EPHA5: variants seen among roughly 807,000 people sequenced by gnomAD.
EPHA5 encodes the protein EPH receptor A5.
In EPHA5, 60 loss-of-function variants were observed where a neutral mutation model predicts 105.0. That is an observed-to-expected ratio of 0.57 (90% CI 0.46 to 0.71). EPHA5 has a LOEUF of 0.71. Ranked by LOEUF, EPHA5 falls within the 30% of genes least tolerant of loss-of-function variation. The probability of loss-of-function intolerance (pLI) is 0.00; values close to 1 mark genes in which losing one functional copy is unlikely to be tolerated. For synonymous variants in EPHA5, 513 were observed against 449.1 expected (o/e 1.14, Z -1.80); for missense variants, 1,218 against 1,274.7 (o/e 0.96, Z 0.68).
intron 2 of EPHA5, among the ~76,000 whole-genome samples, chr4:65,626,018 A>G (rs766433926): frequency 2.6e-5 from 4 of 151,164 alleles, no homozygotes; most frequent in Non-Finnish European, 5.9e-5. Flanking sequence ...GGAGAATGAC[A>G]TGAACCCGGG....
chr4:65,326,539 T>C (rs1370451007), intron 16 of EPHA5, among the ~76,000 whole-genome samples: 1 of 151,364 alleles, frequency 6.6e-6, no homozygotes, highest in African/African-American at 2.4e-5. Context: ...AATATTCTCG[T>C]GTTTCCACAT....
intron 3 of EPHA5, among the ~76,000 whole-genome samples, chr4:65,578,387 G>A (rs1741277397): frequency 6.6e-6 from 1 of 152,148 alleles, no homozygotes; most frequent in South Asian, 2.1e-4. Context: ...CAGACACTGT[G>A]GGTGGAGGAA....
intron 2 of EPHA5, among the ~76,000 whole-genome samples, chr4:65,624,787 C>T (rs1745992540): frequency 6.6e-6 from 1 of 152,112 alleles, no homozygotes; most frequent in African/African-American, 2.4e-5. Flanking sequence ...GGATTCTATT[C>T]TCAGCTTCAC....
At chr4:65,585,971 C>G (rs1742082424) in intron 3 of EPHA5, among the ~76,000 whole-genome samples, 1 of 150,710 alleles carries the variant, frequency 6.6e-6, no homozygotes, top group Non-Finnish European at 1.5e-5. Context: ...GTTATCATTT[C>G]TGGAATGTCT....
intron 3 of EPHA5, among the ~76,000 whole-genome samples, chr4:65,532,031 G>C (rs535282736): frequency 1.3e-4 from 20 of 152,166 alleles, no homozygotes; most frequent in Non-Finnish European, 2.5e-4. Flanking sequence ...TAAAGTGTTA[G>C]AACTTATAAA....
intron 1 of EPHA5, among the ~76,000 whole-genome samples, chr4:65,662,036 G>T (rs944257433): frequency 2.0e-5 from 3 of 152,074 alleles, no homozygotes; most frequent in Non-Finnish European, 4.4e-5. Context: ...TTCCTTGAGG[G>T]TGTTGGAACA....
intron 8 of EPHA5, among the ~76,000 whole-genome samples, chr4:65,385,121 C>G (rs530507278): frequency 1.3e-5 from 2 of 151,580 alleles, no homozygotes; most frequent in Non-Finnish European, 2.9e-5. Context: ...TTTTCGTCAG[C>G]TCAAATAAAT....
chr4:65,599,665 C>T (rs1252349430), intron 3 of EPHA5, among the ~76,000 whole-genome samples: 1 of 152,034 alleles, frequency 6.6e-6, no homozygotes, highest in Non-Finnish European at 1.5e-5. Flanking sequence ...GCTCCTACTA[C>T]CAAGGGAGGA....
chr4:65,520,519 G>T (rs1040531371), intron 3 of EPHA5, among the ~76,000 whole-genome samples: 34 of 151,862 alleles, frequency 2.2e-4, no homozygotes, highest in African/African-American at 7.0e-4. Flanking sequence ...AAGCCAAAAT[G>T]GACGAATGGG....
At chr4:65,539,955 T>C (rs1034462283) in intron 3 of EPHA5, among the ~76,000 whole-genome samples, 6 of 151,514 alleles carry the variant, frequency 4.0e-5, no homozygotes, top group African/African-American at 1.5e-4. Context: ...AAAAAATGAT[T>C]TTGGAAAGCC....
intron 2 of EPHA5, among the ~76,000 whole-genome samples, chr4:65,637,287 T>G (rs1747214690): frequency 6.6e-6 from 1 of 151,010 alleles, no homozygotes; most frequent in Non-Finnish European, 1.5e-5. Flanking sequence ...TGGATGCTTC[T>G]GCAATATCAA....
intron 8 of EPHA5, among the ~76,000 whole-genome samples, chr4:65,391,342 A>C (rs1720697729): frequency 6.6e-6 from 1 of 152,080 alleles, no homozygotes; most frequent in South Asian, 2.1e-4. Context: ...CATAATAAAG[A>C]ATTCAGCTGC....
At chr4:65,479,646 T>G (rs1280452908) in intron 5 of EPHA5, among the ~76,000 whole-genome samples, 1 of 152,174 alleles carries the variant, frequency 6.6e-6, no homozygotes, top group Non-Finnish European at 1.5e-5. Flanking sequence ...GAATACAGAA[T>G]GTCCACAAAT....
intron 3 of EPHA5, among the ~76,000 whole-genome samples, chr4:65,521,392 G>A (rs1043293428): frequency 6.6e-6 from 1 of 152,016 alleles, no homozygotes; most frequent in African/African-American, 2.4e-5. Context: ...GGGGAGTGGG[G>A]AGGGATAGCA....
chr4:65,583,466 G>A (rs977882047), intron 3 of EPHA5, among the ~76,000 whole-genome samples: 3 of 151,564 alleles, frequency 2.0e-5, no homozygotes, highest in Admixed American at 6.6e-5. Context: ...TAAAGTACAC[G>A]AATCAATTTA....
At chr4:65,334,673 T>G (rs1195870230) in intron 15 of EPHA5, among the ~76,000 whole-genome samples, 1 of 151,972 alleles carries the variant, frequency 6.6e-6, no homozygotes, top group African/African-American at 2.4e-5. Flanking sequence ...AAAGCAAAAT[T>G]TGTTTAAACG....
At chr4:65,521,698 C>T (rs910392885) in intron 3 of EPHA5, among the ~76,000 whole-genome samples, 10 of 151,928 alleles carry the variant, frequency 6.6e-5, no homozygotes, top group Non-Finnish European at 1.5e-4. Flanking sequence ...AATGCCAAAC[C>T]TAAACTACTC....
chr4:65,554,981 CAAAAAAAAAAAAAAA>C (rs71205383), intron 3 of EPHA5, among the ~76,000 whole-genome samples: 30 of 92,574 alleles, frequency 3.2e-4, no homozygotes, highest in Admixed American at 1.2e-3. Flanking sequence ...TATACAACAG[CAAAAAAAAAAAAAAA>C]AAAAAAAAAA....
chr4:65,451,943 C>A (rs1467677221), intron 5 of EPHA5, among the ~76,000 whole-genome samples: 3 of 152,174 alleles, frequency 2.0e-5, no homozygotes, highest in African/African-American at 4.8e-5. Flanking sequence ...TTAACATTTT[C>A]TTCTTTAAAT....
Sources: allele counts gnomAD v4.1 joint callset (sites outside exome capture counted in the v4.1 genomes callset), GRCh38; gene constraint gnomAD v4.1.1; transcripts MANE v1.5; gene names NCBI Gene and HGNC (gene_info 2026-07-23, HGNC 2026-07-21).